PCDHGB5: variants seen among roughly 807,000 people sequenced by gnomAD.
PCDHGB5 encodes the protein protocadherin gamma subfamily B, 5.
A neutral mutation model predicts 62.9 loss-of-function variants in PCDHGB5; 48 were observed. The ratio of observed to expected loss-of-function variants is 0.76; its 90% confidence interval spans 0.61 to 0.97. The LOEUF (loss-of-function observed/expected upper bound fraction) is 0.97. PCDHGB5 is among the 50% of genes least tolerant of loss of function. The probability of loss-of-function intolerance (pLI) is 0.00; values close to 1 mark genes in which losing one functional copy is unlikely to be tolerated. For missense variants in PCDHGB5, 1,118 were observed against 1,198.6 expected, an observed-to-expected ratio of 0.93 and a Z score of 0.99; for synonymous variants, 474 against 511.2, an observed-to-expected ratio of 0.93 and a Z score of 0.98.
chr5:141,399,632 C>A lies in PCDHGB5; in HGVS notation c.1505C>A (p.Ser502Tyr). The A allele has an allele frequency of 1.2e-6, 2 of 1,613,894 alleles. No homozygotes were observed. The highest frequency in any genetic ancestry group is 1.7e-6 in the Non-Finnish European group (2 of 1,179,890). ...CCTCTGGCACTGGCCTCTTACGTGT[C>A]CATGAGCGCGCAAAGTGGGGTGGTG... ...LEPLALASYV[S>Y]MSAQSGVVFA... Residue 502 changes from serine to tyrosine, a missense_variant, in exon 1 of 4, where the codon TCC (serine) becomes TAC (tyrosine). Physicochemically the swap from Ser to Tyr is moderately radical, Grantham distance 144 (BLOSUM62 -2). This residue lies in a region of PCDHGB5 where 1,034 missense variants were observed against 1,029.1 expected (regional missense o/e 1.00). Transcript: ENST00000617380.
chr5:141,456,872 A>C (rs1003618586), intron 1 of PCDHGB5, among the ~76,000 whole-genome samples: 2 of 152,152 alleles, frequency 1.3e-5, no homozygotes, highest in African/African-American at 4.8e-5. Context: ...CTGAGGCAGG[A>C]GAATCGCTTG....
rs758578821 is a variant in PCDHGB5 at position 141,486,659 on chromosome 5, G to C, written c.2398-8148G>C. The C allele has an allele frequency of 6.8e-6, 11 of 1,613,944 alleles. No individual in the cohort carries two copies. The highest frequency in any genetic ancestry group is 8.5e-6 in the Non-Finnish European group (10 of 1,180,026). On this transcript the variant is annotated intron_variant, in intron 1 of 3. Coordinates refer to ENST00000617380, the MANE Select transcript of PCDHGB5 (RefSeq NM_018925.3). The surrounding 1 kb of genome is among the most constrained non-coding windows in gnomAD (Gnocchi z 5.0). ...TGCGCTTATCTCCTACTCACTCCTGGAGCCCAGGAATCGAGATGTATCAGC... is the reference window on the plus strand; with the variant it reads ...TGCGCTTATCTCCTACTCACTCCTGCAGCCCAGGAATCGAGATGTATCAGC...
At chr5:141,428,305 G>A (rs751498223) in intron 1 of PCDHGB5, 8 of 694,348 alleles carry the variant, frequency 1.2e-5, no homozygotes, top group African/African-American at 1.8e-5. Flanking sequence ...GATTTACCTG[G>A]TCGTGGCCTT....
chr5:141,489,431 T>C lies in PCDHGB5; in HGVS notation c.2398-5376T>C. 6.2e-7 allele frequency: 1 copy of C among 1,614,132 alleles called. No individual in the cohort carries two copies. Among genetic ancestry groups the C allele is most frequent in the Non-Finnish European group, 8.5e-7 (1 of 1,180,024 alleles). On this transcript the variant is annotated intron_variant, in intron 1 of 3. Transcript: ENST00000617380. This position sits in a 1 kb window ranked among gnomAD's most constrained non-coding sequence, Gnocchi z 4.5. ...ATGACAGATCTGTTGAGCCGGCGGC[T>C]GCAATTGGGCTCTGAGGAGAATGGG...
chr5:141,424,023 A>G (rs1391381195), intron 1 of PCDHGB5: 1 of 1,047,166 alleles, frequency 9.5e-7, no homozygotes, highest in Non-Finnish European at 1.2e-6. Context: ...TGATTCACAA[A>G]CACTTTTTAT....
At chr5:141,423,994 A>G (rs2096794168) in intron 1 of PCDHGB5, 17 of 1,081,216 alleles carry the variant, frequency 1.6e-5, no homozygotes, top group Non-Finnish European at 1.8e-5. Flanking sequence ...TCAATTTATT[A>G]TATATAGATA....
chr5:141,409,753 G>T, intron 1 of PCDHGB5: 1 of 1,613,006 alleles, frequency 6.2e-7, no homozygotes. Context: ...TGTTCGCGCA[G>T]CGCGCCTTTG....
At position 141,490,807 on chromosome 5, in the gene PCDHGB5, G is replaced by T. The variant is rs1315856354; in HGVS notation, c.2398-4000G>T. Reference sequence around the variant, plus strand: ...ACGGATCTTTGCCCAGCGTACCTTTGACTATGAATTGCTGCAGATGCTGCA... The same window carrying T: ...ACGGATCTTTGCCCAGCGTACCTTTTACTATGAATTGCTGCAGATGCTGCA... On this transcript the variant is annotated intron_variant, in intron 1 of 3. Transcript: ENST00000617380. This position sits in a 1 kb window ranked among gnomAD's most constrained non-coding sequence, Gnocchi z 5.4. 6.2e-7 allele frequency: 1 copy of T among 1,613,924 alleles called. No individual in the cohort carries two copies. The highest frequency in any genetic ancestry group is 8.5e-7 in the Non-Finnish European group (1 of 1,179,870).
rs1258752203 is a variant in PCDHGB5, at chr5:141,431,160, G to C, written c.2397+30636G>C. On this transcript the variant is annotated intron_variant, in intron 1 of 3. Coordinates refer to ENST00000617380, the MANE Select transcript of PCDHGB5 (RefSeq NM_018925.3). The surrounding 1 kb of genome is among the most constrained non-coding windows in gnomAD (Gnocchi z 4.8). ...ATTAACGACAATGCGCCTTACTTTC[G>C]TGAAAGTGAATTAGAAATAAAAATT... is the stretch of plus-strand genomic sequence containing the variant. The C allele has an allele frequency of 6.2e-7, 1 of 1,614,198 alleles. No homozygotes were observed. Among genetic ancestry groups the C allele is most frequent in the South Asian group, 1.1e-5 (1 of 91,084 alleles).
In PCDHGB5 at chr5:141,477,279, C is replaced by T. The variant is rs2099408674; in HGVS notation, c.2398-17528C>T. ...GATGCTGGCGAGAACGGGCTGGTGA[C>T]CTGCGAAGTTCCACCGGGTCTCCCT... is the stretch of plus-strand genomic sequence containing the variant. On this transcript the variant is annotated intron_variant, in intron 1 of 3. Transcript: ENST00000617380. The surrounding 1 kb of genome is among the most constrained non-coding windows in gnomAD (Gnocchi z 4.9). 6.2e-7 allele frequency: 1 copy of T among 1,614,054 alleles called. No individual in the cohort carries two copies. Among genetic ancestry groups the T allele is most frequent in the Non-Finnish European group, 8.5e-7 (1 of 1,180,050 alleles).
intron 1 of PCDHGB5, among the ~76,000 whole-genome samples, chr5:141,450,304 T>C (rs759506660): frequency 1.3e-5 from 2 of 151,906 alleles, no homozygotes; most frequent in African/African-American, 2.4e-5. Flanking sequence ...TGAGCCACCA[T>C]GTGTGGCCTA....
rs191165530 is a variant in PCDHGB5 at position 141,439,134 on chromosome 5, A to T, written c.2397+38610A>T. On this transcript the variant is annotated intron_variant, in intron 1 of 3. Coordinates refer to ENST00000617380, the MANE Select transcript of PCDHGB5 (RefSeq NM_018925.3). The stretch of plus-strand genomic sequence containing the variant: ...CTTGAACCCGGGAGACAGAGGTTGC[A>T]GTGAGCTGAGATCACGCCACTGCAC... Among the ~76,000 whole-genome samples the T allele has an allele frequency of 2.4e-3, 368 of 151,344 alleles. 1 individual carries two copies. Among genetic ancestry groups the T allele is most frequent in the African/African-American group, 8.5e-3 (349 of 41,216 alleles).
rs765972156 is a variant in PCDHGB5, at chr5:141,432,960, G to A, written c.2397+32436G>A. 3.1e-6 allele frequency: 5 copies of A among 1,614,070 alleles called. No individual in the cohort carries two copies. The East Asian group carries it at 6.7e-5, about 22-fold the overall frequency. On this transcript the variant is annotated intron_variant, in intron 1 of 3. Transcript: ENST00000617380. This position sits in a 1 kb window ranked among gnomAD's most constrained non-coding sequence, Gnocchi z 6.0. ...CAGGCTTCAGGAGGCGGCTTGACAG[G>A]AGCGCCGGCGTCGCACTTTGTGGGC...
Position 141,489,068 on chromosome 5 carries a change from G to GC in PCDHGB5, c.2398-5736dup. ...CTCAAATTCAGCTCCCCTCCCCCCT[G>GC]CCCACCCCCGCCACTCGGTGACTAA... On this transcript the variant is annotated intron_variant, in intron 1 of 3. Transcript: ENST00000617380. The surrounding 1 kb of genome is among the most constrained non-coding windows in gnomAD (Gnocchi z 4.5). 3 of 291,558 alleles carry GC rather than the reference G, an allele frequency of 1.0e-5. No homozygotes were observed. Among genetic ancestry groups the GC allele is most frequent in the Admixed American group, 5.4e-5 (1 of 18,530 alleles). 18.1% of individuals were successfully genotyped at this position (291,558 alleles called of 1,614,324 possible).
intron 1 of PCDHGB5, chr5:141,410,115 C>G (rs1361621262): frequency 6.2e-7 from 1 of 1,612,624 alleles, no homozygotes; most frequent in African/African-American, 1.3e-5. Flanking sequence ...AGGGACGCAG[C>G]CCGCCAGCGC....
intron 1 of PCDHGB5, chr5:141,423,463 G>C (rs772779471): frequency 1.2e-6 from 2 of 1,613,874 alleles, no homozygotes; most frequent in South Asian, 2.2e-5. Context: ...AGGCGTGGAC[G>C]GGGTACAGGC....
chr5:141,409,541 G>A (rs1485327824), intron 1 of PCDHGB5: 5 of 1,613,852 alleles, frequency 3.1e-6, no homozygotes, highest in South Asian at 1.1e-5. Flanking sequence ...TGACATCAAC[G>A]ACAACGCCCC....
chr5:141,507,296 C>T (rs1020117646), intron 3 of PCDHGB5: 1 of 141,360 alleles, frequency 7.1e-6, no homozygotes, highest in Non-Finnish European at 1.5e-5. Flanking sequence ...TCAAATGTTG[C>T]ATGAGACATA....
intron 1 of PCDHGB5, among the ~76,000 whole-genome samples, chr5:141,453,993 A>T (rs2098779172): frequency 6.6e-6 from 1 of 152,234 alleles, no homozygotes; most frequent in African/African-American, 2.4e-5. Flanking sequence ...CCAGTGATAA[A>T]CCCACATAAC....
Sources: allele counts gnomAD v4.1 joint callset (sites outside exome capture counted in the v4.1 genomes callset), GRCh38; gene constraint gnomAD v4.1.1; regional missense constraint gnomAD v4.1.1; non-coding constraint Gnocchi (gnomAD v3.1); transcripts MANE v1.5; gene names NCBI Gene and HGNC (gene_info 2026-07-23, HGNC 2026-07-21).